The following SAFB variants were observed in gnomAD, a reference collection of about 807,000 sequenced individuals.
SAFB encodes the protein scaffold attachment factor B.
Under a neutral mutation model 101.6 loss-of-function variants are expected in SAFB, and 15 were observed. That is an observed-to-expected ratio of 0.15 (90% CI 0.10 to 0.23). The LOEUF is 0.23. Ranked by LOEUF, SAFB falls within the 10% of genes least tolerant of loss-of-function variation. SAFB has a pLI of 1.00. For synonymous variants in SAFB, 449 were observed against 407.5 expected, an observed-to-expected ratio of 1.10 and a Z score of -1.23; for missense variants, 930 against 1,104.1, an observed-to-expected ratio of 0.84 and a Z score of 2.23.
At chr19:5,659,016 G>T (rs557913306) in intron 14 of SAFB, among the ~76,000 whole-genome samples, 1 of 151,900 alleles carries the variant, frequency 6.6e-6, no homozygotes, top group Non-Finnish European at 1.5e-5. Flanking sequence ...ATGGTGGTGC[G>T]TGCCTGTAAT....
chr19:5,661,807 C>G lies in SAFB; in HGVS notation c.2152C>G (p.Arg718Gly), dbSNP rs1303868315. The change falls in exon 15 of 21, where the codon CGG (arginine) becomes GGG (glycine). Residue 718 changes from arginine (R) to glycine (G), a missense_variant and splice_region_variant. Physicochemically the swap from Arg to Gly is moderately radical, Grantham distance 125 (BLOSUM62 -2). Coordinates refer to ENST00000588852, the MANE Select transcript of SAFB (RefSeq NM_001201338.2). ...GGTGCGGCGGCCCTACGACCTGGAC[C>G]GGTAAGCAGATCCATGCTGCCCTTA... ...PAVRRPYDLD[R>G]RDDAYWPEAK... 4.3e-5 allele frequency: 67 copies of G among 1,541,158 alleles called. No individual in the cohort carries two copies. The highest frequency in any genetic ancestry group is 5.9e-5 in the Non-Finnish European group (67 of 1,144,066).
At position 5,661,821 on chromosome 19, in the gene SAFB, A is replaced by G. The variant is rs776080211; in HGVS notation, c.2153+13A>G. ...ACGACCTGGACCGGTAAGCAGATCC[A>G]TGCTGCCCTTAGCACGTGGCGTTCA... On this transcript the variant is annotated intron_variant, in intron 15 of 20. Coordinates refer to ENST00000588852, the MANE Select transcript of SAFB (RefSeq NM_001201338.2). 1.3e-6 allele frequency: 2 copies of G among 1,523,116 alleles called. No individual in the cohort carries two copies. The highest frequency in any genetic ancestry group is 1.2e-5 in the South Asian group (1 of 81,774). The allele number at this position is 1,523,116 out of a possible 1,614,324, so 94.4% of individuals were successfully genotyped here. A position where few individuals can be genotyped will look rare whatever the true frequency, so the allele number is the denominator to read the frequency against.
intron 4 of SAFB, chr19:5,642,181 G>T: frequency 3.5e-6 from 2 of 567,508 alleles, no homozygotes; most frequent in Admixed American, 4.5e-5. Flanking sequence ...ACATTTTGAG[G>T]ACAACCATTC....
chr19:5,623,544 C>T (rs2053245696), intron 1 of SAFB, 150 bp downstream of exon 1: 1 of 648,820 alleles, frequency 1.5e-6, no homozygotes, highest in South Asian at 2.2e-5. Context: ...CTCCGAGGCC[C>T]CGGAGAGAGT....
At chr19:5,665,135 C>T (rs1053813302) in intron 17 of SAFB, 4 of 152,278 alleles carry the variant, frequency 2.6e-5, no homozygotes, top group African/African-American at 4.8e-5. Context: ...ATAAGCTTCC[C>T]GCTTCTGTCC....
chr19:5,636,641 T>G (rs1027032493), intron 2 of SAFB, among the ~76,000 whole-genome samples: 2 of 152,102 alleles, frequency 1.3e-5, no homozygotes, highest in African/African-American at 4.8e-5. Context: ...GCTTTTCTTT[T>G]TTTCTCCCCC....
chr19:5,640,438 T>C (rs1477129582), intron 2 of SAFB, among the ~76,000 whole-genome samples: 2 of 141,640 alleles, frequency 1.4e-5, no homozygotes, highest in African/African-American at 5.3e-5. Flanking sequence ...TGATCTCGGC[T>C]AACTGCAACC....
intron 9 of SAFB, among the ~76,000 whole-genome samples, chr19:5,652,612 G>A (rs561586892): frequency 3.9e-5 from 6 of 152,322 alleles, no homozygotes; most frequent in South Asian, 2.1e-4. Context: ...AGACTGGAAA[G>A]GATGTGTCTA....
At chr19:5,641,709 C>T in intron 3 of SAFB, 31 bp from the exon 4 acceptor site, 1 of 1,613,072 alleles carries the variant, frequency 6.2e-7, no homozygotes, top group Non-Finnish European at 8.5e-7. Context: ...CAGTGGCGGT[C>T]ACATGATGGT....
intron 6 of SAFB, 188 bp from the exon 7 acceptor site, chr19:5,648,801 A>C: frequency 1.5e-6 from 1 of 667,410 alleles, no homozygotes; most frequent in South Asian, 1.6e-5. Flanking sequence ...GTAGAGGCTT[A>C]CCTAGAGGCG....
rs193248504 is a variant in SAFB, at chr19:5,638,170, A to G, written c.275-3424A>G. 1.1e-4 allele frequency among the ~76,000 whole-genome samples: 17 copies of G among 152,298 alleles called. No homozygotes were observed. In the East Asian group the frequency reaches 3.3e-3, roughly 29 times the overall value. The stretch of plus-strand genomic sequence containing the variant: ...CTGTTGCAAATGTTATAAATCATCA[A>G]TTAGTAAGAAAAATTGGGAGGTTGC... On this transcript the variant is annotated intron_variant, in intron 2 of 20. Coordinates refer to ENST00000588852, the MANE Select transcript of SAFB (RefSeq NM_001201338.2).
chr19:5,632,777 A>G (rs923365097), intron 2 of SAFB, among the ~76,000 whole-genome samples: 11 of 152,142 alleles, frequency 7.2e-5, no homozygotes, highest in Admixed American at 5.2e-4. Context: ...TTGCCCTGTT[A>G]CCCAGGCCAG....
chr19:5,631,197 A>T (rs1330713717), intron 2 of SAFB, among the ~76,000 whole-genome samples: 1 of 152,210 alleles, frequency 6.6e-6, no homozygotes, highest in African/African-American at 2.4e-5. Flanking sequence ...CTCAAAAAAA[A>T]AGAAAAGAAA....
chr19:5,645,023 C>T (rs1195281796), intron 4 of SAFB, among the ~76,000 whole-genome samples: 1 of 152,240 alleles, frequency 6.6e-6, no homozygotes, highest in Non-Finnish European at 1.5e-5. Context: ...GTGCTCAGAT[C>T]CACTTAGAGG....
At chr19:5,647,721 C>T (rs1162176232) in intron 5 of SAFB, among the ~76,000 whole-genome samples, 4 of 152,208 alleles carry the variant, frequency 2.6e-5, no homozygotes, top group African/African-American at 9.7e-5. Flanking sequence ...CACTGCTCTC[C>T]TTGAATTTGA....
intron 15 of SAFB, among the ~76,000 whole-genome samples, chr19:5,662,272 C>T (rs2054229750): frequency 6.6e-6 from 1 of 152,084 alleles, no homozygotes; most frequent in Non-Finnish European, 1.5e-5. Flanking sequence ...CCAGGGTGGG[C>T]GGATTGCCTT....
At chr19:5,664,228 T>A (rs1346142887) in intron 16 of SAFB, 69 bp downstream of exon 16, 91 of 1,550,124 alleles carry the variant, frequency 5.9e-5, no homozygotes, top group Non-Finnish European at 7.7e-5. Context: ...GAACAAGGAC[T>A]CCTGGGCTCT....
chr19:5,654,562 G>A (rs139403720), intron 13 of SAFB, 106 bp downstream of exon 13: 6 of 790,878 alleles, frequency 7.6e-6, no homozygotes, highest in Non-Finnish European at 1.1e-5. Flanking sequence ...AGCTTTTGTC[G>A]GCCGTTTCGA....
chr19:5,629,029 T>A (rs1312731926), intron 2 of SAFB, among the ~76,000 whole-genome samples: 1 of 152,164 alleles, frequency 6.6e-6, no homozygotes, highest in Non-Finnish European at 1.5e-5. Flanking sequence ...ACTCCTGGCC[T>A]CAAGCAGTGC....
Sources: allele counts gnomAD v4.1 joint callset (sites outside exome capture counted in the v4.1 genomes callset), GRCh38; gene constraint gnomAD v4.1.1; transcripts MANE v1.5; gene names NCBI Gene and HGNC (gene_info 2026-07-23, HGNC 2026-07-21).